The following UBE2F variants were observed in gnomAD, a reference collection of about 807,000 sequenced individuals.
UBE2F encodes ubiquitin conjugating enzyme E2 F (putative).
Under a neutral mutation model 29.6 loss-of-function variants are expected in UBE2F, and 5 were observed. That is an observed-to-expected ratio of 0.17 (90% confidence interval 0.09 to 0.36). UBE2F has a LOEUF of 0.36. Among genes scored for constraint, UBE2F ranks in the 10% least tolerant of loss-of-function variants. The pLI is 1.00. For synonymous variants in UBE2F, 66 were observed against 81.8 expected (o/e 0.81, Z 1.04); for missense variants, 141 against 228.5 (o/e 0.62, Z 2.47).
intron 4 of UBE2F, among the ~76,000 whole-genome samples, chr2:238,009,562 A>G (rs1362857320): frequency 2.0e-5 from 3 of 152,142 alleles, no homozygotes; most frequent in Non-Finnish European, 4.4e-5. Context: ...TTTCCCCGTA[A>G]CCGTCCATTT....
chr2:238,039,850 G>A (rs1235891290), intron 9 of UBE2F, among the ~76,000 whole-genome samples: 1 of 152,210 alleles, frequency 6.6e-6, no homozygotes, highest in African/African-American at 2.4e-5. Context: ...TGGAGAGGCA[G>A]GGGGCATTTA....
At chr2:237,994,089 C>CTCT (rs796501313) in intron 3 of UBE2F, among the ~76,000 whole-genome samples, 21 of 148,898 alleles carry the variant, frequency 1.4e-4, no homozygotes, top group South Asian at 4.3e-4. Context: ...CCTGGGCGCA[C>CTCT]TCTTCTTCTT....
In UBE2F at chr2:238,023,556, G is replaced by A. The variant is rs1220401884; in HGVS notation, c.283-1786G>A. ...TTAAAGAGGATATTTGGATGGTGAA[G>A]TATTTTCTAAGTATGGCATCAAAGA... On this transcript the variant is annotated intron_variant, in intron 5 of 9. Coordinates refer to ENST00000272930, the MANE Select transcript of UBE2F (RefSeq NM_080678.3). Among the ~76,000 whole-genome samples, 3 of 152,170 alleles carry A rather than the reference G, an allele frequency of 2.0e-5. No individual in the cohort carries two copies. In the South Asian group the frequency reaches 6.2e-4, roughly 32 times the overall value.
intron 1 of UBE2F, among the ~76,000 whole-genome samples, chr2:237,969,460 C>T (rs568088284): frequency 1.4e-4 from 22 of 152,278 alleles, no homozygotes; most frequent in African/African-American, 5.3e-4. Flanking sequence ...TTACTGCCTG[C>T]TGAACTCATG....
chr2:237,973,353 A>C lies in UBE2F; in HGVS notation c.118+128A>C, dbSNP rs2063212745. 1.0e-5 allele frequency: 11 copies of C among 1,077,536 alleles called. No homozygotes were observed. In the South Asian group the frequency reaches 1.7e-4, roughly 16 times the overall value. The allele number at this position is 1,077,536 out of a possible 1,614,324, so 66.7% of individuals were successfully genotyped here. A position where few individuals can be genotyped will look rare whatever the true frequency, so the allele number is the denominator to read the frequency against. ...CCTGTTTAAAAGATTTTAAAATATAATTGCTTATCTCTTATAGTGAAGGAC... is the reference window on the plus strand; with the variant it reads ...CCTGTTTAAAAGATTTTAAAATATACTTGCTTATCTCTTATAGTGAAGGAC... On this transcript the variant is annotated intron_variant, in intron 2 of 9. Transcript: ENST00000272930.
At chr2:237,983,027 G>A (rs2063408865) in intron 2 of UBE2F, among the ~76,000 whole-genome samples, 1 of 152,146 alleles carries the variant, frequency 6.6e-6, no homozygotes. Context: ...TAGTGACAGA[G>A]TCTCACTATG....
chr2:237,987,763 T>C (rs529791498), intron 2 of UBE2F, among the ~76,000 whole-genome samples, 200 bp from the exon 3 acceptor site: 2 of 152,322 alleles, frequency 1.3e-5, no homozygotes, highest in Non-Finnish European at 2.9e-5. Flanking sequence ...TTGACTGAAT[T>C]TGTTGGCATT....
intron 6 of UBE2F, among the ~76,000 whole-genome samples, chr2:238,029,234 AT>A (rs2106403137): frequency 6.6e-6 from 1 of 151,704 alleles, no homozygotes; most frequent in East Asian, 1.9e-4. Flanking sequence ...GATACTCAGA[AT>A]TTTGCATTAA....
chr2:238,003,248 T>C, intron 4 of UBE2F: 1 of 363,116 alleles, frequency 2.8e-6, no homozygotes, highest in South Asian at 2.0e-5. Context: ...CAGATGCCAA[T>C]TTTCTTGCGA....
intron 5 of UBE2F, 71 bp from the exon 6 acceptor site, chr2:238,025,270 TA>T: frequency 7.5e-7 from 1 of 1,333,734 alleles, no homozygotes; most frequent in Admixed American, 1.7e-5. Flanking sequence ...GGGGATGTGG[TA>T]AGGCTCTGGC....
chr2:238,029,863 C>T (rs1215203265), intron 6 of UBE2F, among the ~76,000 whole-genome samples: 1 of 152,122 alleles, frequency 6.6e-6, no homozygotes, highest in African/African-American at 2.4e-5. Flanking sequence ...AGGATTGTGC[C>T]TGACATACAC....
At chr2:237,974,502 TTTTTTTTTTTTTG>T (rs1559198845) in intron 2 of UBE2F, among the ~76,000 whole-genome samples, 2 of 38,454 alleles carry the variant, frequency 5.2e-5, no homozygotes, top group Non-Finnish European at 1.0e-4. Context: ...ATTTTTGTGG[TTTTTTTTTTTTTG>T]TTTTTTTTTT....
In UBE2F at chr2:237,982,456, C is replaced by T. The variant is rs2063399637; in HGVS notation, c.119-5507C>T. Among the ~76,000 whole-genome samples the T allele has an allele frequency of 6.6e-6, 1 of 152,204 alleles. No homozygotes were observed. On this transcript the variant is annotated intron_variant, in intron 2 of 9. Coordinates refer to ENST00000272930, the MANE Select transcript of UBE2F (RefSeq NM_080678.3). This position sits in a 1 kb window ranked among gnomAD's most constrained non-coding sequence, Gnocchi z 4.1. ...CCTTTTGCTTGTGTCATGCTGGCCC[C>T]TCTGCTTGCAATCCACAGTCGCTTA...
intron 4 of UBE2F, among the ~76,000 whole-genome samples, chr2:238,004,941 C>T (rs1379590881): frequency 1.3e-5 from 2 of 152,138 alleles, no homozygotes; most frequent in African/African-American, 2.4e-5. Flanking sequence ...AGCTTCTGAC[C>T]GCTGATAGTG....
chr2:237,969,539 G>C (rs747090110), intron 1 of UBE2F, among the ~76,000 whole-genome samples: 4 of 152,218 alleles, frequency 2.6e-5, no homozygotes, highest in African/African-American at 9.6e-5. Flanking sequence ...CCAGAGACCT[G>C]GTAGTCCTTG....
chr2:238,012,946 A>G (rs1453863291), intron 4 of UBE2F, among the ~76,000 whole-genome samples: 1 of 152,218 alleles, frequency 6.6e-6, no homozygotes, highest in Non-Finnish European at 1.5e-5. Context: ...GTGAACCAGG[A>G]CATACTATTT....
At chr2:238,034,298 GGC>G (rs950606325) in intron 8 of UBE2F, among the ~76,000 whole-genome samples, 5 of 151,902 alleles carry the variant, frequency 3.3e-5, no homozygotes, top group African/African-American at 1.2e-4. Flanking sequence ...CGTGGTGGCG[GGC>G]GCCTGTAATC....
chr2:238,027,232 G>A (rs2106399762), intron 6 of UBE2F, among the ~76,000 whole-genome samples: 1 of 152,302 alleles, frequency 6.6e-6, no homozygotes, highest in East Asian at 1.9e-4. Flanking sequence ...ACACAAAATG[G>A]AAGAAGAAAT....
At chr2:238,028,537 G>A (rs2064489120) in intron 6 of UBE2F, among the ~76,000 whole-genome samples, 1 of 152,218 alleles carries the variant, frequency 6.6e-6, no homozygotes, top group African/African-American at 2.4e-5. Flanking sequence ...TTCAGAAGTT[G>A]ACAATTCAGA....
Sources: allele counts gnomAD v4.1 joint callset (sites outside exome capture counted in the v4.1 genomes callset), GRCh38; gene constraint gnomAD v4.1.1; non-coding constraint Gnocchi (gnomAD v3.1); transcripts MANE v1.5; gene names NCBI Gene and HGNC (gene_info 2026-07-23, HGNC 2026-07-21).